PFDN1: variants seen among roughly 807,000 people sequenced by gnomAD.
PFDN1 encodes the protein prefoldin 1.
Under a neutral mutation model 17.3 loss-of-function variants are expected in PFDN1, and 6 were observed. The ratio of observed to expected loss-of-function variants is 0.35; its 90% CI spans 0.19 to 0.69. The LOEUF is 0.69. Among genes scored for constraint, PFDN1 ranks in the 30% least tolerant of loss-of-function variants. PFDN1 has a pLI of 0.65. For missense variants in PFDN1, 113 were observed against 146.2 expected (o/e 0.77, Z 1.17); for synonymous variants, 58 against 50.1 (o/e 1.16, Z -0.67).
chr5:140,279,316 T>A (rs1416590047), intron 3 of PFDN1, among the ~76,000 whole-genome samples: 1 of 152,088 alleles, frequency 6.6e-6, no homozygotes, highest in African/African-American at 2.4e-5. Context: ...GTAAGTAACA[T>A]GTAAAATGAA....
At chr5:140,288,558 A>G (rs999153374) in intron 2 of PFDN1, among the ~76,000 whole-genome samples, 1 of 152,238 alleles carries the variant, frequency 6.6e-6, no homozygotes, top group African/African-American at 2.4e-5. Flanking sequence ...GTTTTCATCA[A>G]TTGTAACAAA....
chr5:140,256,495 A>T (rs1391190422), intron 3 of PFDN1, among the ~76,000 whole-genome samples: 1 of 152,088 alleles, frequency 6.6e-6, no homozygotes, highest in African/African-American at 2.4e-5. Flanking sequence ...TAACATATCC[A>T]ATTATTTATA....
intron 3 of PFDN1, among the ~76,000 whole-genome samples, chr5:140,277,801 C>T (rs1765319338): frequency 6.6e-6 from 1 of 151,576 alleles, no homozygotes; most frequent in Non-Finnish European, 1.5e-5. Context: ...GCATGAAAGA[C>T]ATAGACAAGT....
intron 3 of PFDN1, among the ~76,000 whole-genome samples, chr5:140,280,611 G>C (rs1765384894): frequency 1.3e-5 from 2 of 152,270 alleles, no homozygotes; most frequent in South Asian, 4.1e-4. Flanking sequence ...ACAAGTTGTA[G>C]CTCCCAAATT....
At chr5:140,261,187 G>T (rs1246888683) in intron 3 of PFDN1, among the ~76,000 whole-genome samples, 1 of 148,644 alleles carries the variant, frequency 6.7e-6, no homozygotes, top group South Asian at 2.1e-4. Flanking sequence ...AAAAAGAAAG[G>T]ATATTTTAAA....
At chr5:140,259,739 A>G (rs985701877) in intron 3 of PFDN1, among the ~76,000 whole-genome samples, 1 of 152,316 alleles carries the variant, frequency 6.6e-6, no homozygotes, top group Non-Finnish European at 1.5e-5. Context: ...GGTGTAACTG[A>G]CGCAACTGTG....
At chr5:140,261,037 C>T (rs1176864762) in intron 3 of PFDN1, among the ~76,000 whole-genome samples, 1 of 151,622 alleles carries the variant, frequency 6.6e-6, no homozygotes, top group Admixed American at 6.6e-5. Context: ...TGGTGCACAA[C>T]TGTAATCCCA....
chr5:140,287,347 AACAG>A (rs1320488002), intron 2 of PFDN1, among the ~76,000 whole-genome samples: 1 of 152,254 alleles, frequency 6.6e-6, no homozygotes, highest in Admixed American at 6.5e-5. Flanking sequence ...TACAGTGATG[AACAG>A]ACACAGAAAC....
At chr5:140,266,349 CTGGTT>C (rs1449059213) in intron 3 of PFDN1, among the ~76,000 whole-genome samples, 1 of 152,224 alleles carries the variant, frequency 6.6e-6, no homozygotes, top group Non-Finnish European at 1.5e-5. Context: ...GGGAGTAACA[CTGGTT>C]TGTGACTTGA....
intron 1 of PFDN1, 144 bp from the exon 2 acceptor site, chr5:140,300,726 G>A (rs1459871020): frequency 5.1e-6 from 3 of 585,786 alleles, no homozygotes; most frequent in East Asian, 5.7e-5. Context: ...CAACATAACT[G>A]TAAACAATCA....
chr5:140,293,893 C>T (rs1285565892), intron 2 of PFDN1, among the ~76,000 whole-genome samples: 1 of 152,002 alleles, frequency 6.6e-6, no homozygotes, highest in African/African-American at 2.4e-5. Context: ...CCCTGCACAA[C>T]AGGAAAAGAT....
intron 3 of PFDN1, among the ~76,000 whole-genome samples, chr5:140,279,761 C>T (rs1413508245): frequency 3.3e-5 from 5 of 151,520 alleles, no homozygotes; most frequent in African/African-American, 1.2e-4. Flanking sequence ...CTTGGGAGGC[C>T]GAGGCAGGCA....
intron 2 of PFDN1, among the ~76,000 whole-genome samples, chr5:140,295,403 A>C (rs1765637489): frequency 6.6e-6 from 1 of 152,184 alleles, no homozygotes; most frequent in Non-Finnish European, 1.5e-5. Context: ...AACATTTAAG[A>C]TTTGTCTATT....
At chr5:140,290,106 T>G (rs1295399900) in intron 2 of PFDN1, among the ~76,000 whole-genome samples, 1 of 152,164 alleles carries the variant, frequency 6.6e-6, no homozygotes, top group Non-Finnish European at 1.5e-5. Flanking sequence ...CCATATCCAT[T>G]TCCTTTTCTT....
intron 2 of PFDN1, among the ~76,000 whole-genome samples, chr5:140,298,491 C>G (rs1408169681): frequency 6.6e-6 from 1 of 151,436 alleles, no homozygotes; most frequent in South Asian, 2.1e-4. Context: ...AAAAAAAAAT[C>G]AGTCTTCTCC....
intron 1 of PFDN1, among the ~76,000 whole-genome samples, chr5:140,302,615 T>C (rs1024707146): frequency 1.3e-5 from 2 of 152,158 alleles, no homozygotes; most frequent in Admixed American, 1.3e-4. Flanking sequence ...ATAAATGGCC[T>C]AAAAACAAAG....
intron 2 of PFDN1, among the ~76,000 whole-genome samples, chr5:140,288,707 G>A (rs1337324939): frequency 2.6e-5 from 4 of 152,150 alleles, no homozygotes; most frequent in African/African-American, 9.7e-5. Context: ...GTTGCTGGCC[G>A]TGCACGGTGG....
chr5:140,285,767 T>C (rs371403980), intron 2 of PFDN1, among the ~76,000 whole-genome samples: 4 of 152,248 alleles, frequency 2.6e-5, no homozygotes, highest in South Asian at 2.1e-4. Context: ...TTGGCTTTCA[T>C]CCTGAGAGTT....
chr5:140,273,116 G>T (rs1284893169), intron 3 of PFDN1, among the ~76,000 whole-genome samples: 1 of 151,992 alleles, frequency 6.6e-6, no homozygotes, highest in Non-Finnish European at 1.5e-5. Context: ...ATGGTGGCAT[G>T]CACCTGTAGT....
Sources: gnomAD v4.1 joint callset for allele counts (sites outside exome capture counted in the v4.1 genomes callset) on GRCh38, gnomAD v4.1.1 for gene constraint, MANE v1.5 for transcripts, NCBI Gene and HGNC (gene_info 2026-07-23, HGNC 2026-07-21) for gene names.